KCNH1: variants seen among roughly 807,000 people sequenced by gnomAD.
KCNH1 encodes potassium voltage-gated channel subfamily H member 1.
KCNH1 carries 27 observed loss-of-function variants against 69.2 expected under a neutral mutation model. The observed-to-expected ratio is 0.39, with a 90% CI of 0.29 to 0.54. The LOEUF is 0.54. Among genes scored for constraint, KCNH1 ranks in the 20% least tolerant of loss-of-function variants. The pLI, the probability that KCNH1 is intolerant of heterozygous loss-of-function variation, is 0.68. For synonymous variants in KCNH1, 456 were observed against 487.7 expected (o/e 0.93, Z 0.86); for missense variants, 798 against 1,261.6 (o/e 0.63, Z 5.57).
intron 5 of KCNH1, among the ~76,000 whole-genome samples, chr1:211,021,394 C>T (rs540828455): frequency 1.3e-5 from 2 of 152,188 alleles, no homozygotes; most frequent in Admixed American, 1.3e-4. Context: ...GACAGCCTTC[C>T]CTTTAAGATC....
At chr1:210,703,835 A>T (rs1681839690) in intron 10 of KCNH1, among the ~76,000 whole-genome samples, 1 of 152,162 alleles carries the variant, frequency 6.6e-6, no homozygotes, top group Admixed American at 6.5e-5. Flanking sequence ...GCTTGTGCTT[A>T]GTTTCTAATT....
intron 7 of KCNH1, among the ~76,000 whole-genome samples, chr1:210,898,089 T>G (rs2102531515): frequency 6.6e-6 from 1 of 152,350 alleles, no homozygotes; most frequent in South Asian, 2.1e-4. Flanking sequence ...TGGATTGCAT[T>G]ATATTGAAAA....
chr1:210,889,969 C>T (rs1006514381), intron 7 of KCNH1, among the ~76,000 whole-genome samples: 8 of 152,056 alleles, frequency 5.3e-5, no homozygotes, highest in African/African-American at 1.9e-4. Flanking sequence ...CCATACTGCC[C>T]AAAGTAATTC....
chr1:211,058,091 T>G (rs1295366591), intron 5 of KCNH1, among the ~76,000 whole-genome samples: 1 of 152,046 alleles, frequency 6.6e-6, no homozygotes, highest in South Asian at 2.1e-4. Flanking sequence ...AAATTTCTTA[T>G]CCTATGATAG....
At chr1:210,716,205 G>A (rs547254945) in intron 10 of KCNH1, among the ~76,000 whole-genome samples, 1 of 151,884 alleles carries the variant, frequency 6.6e-6, no homozygotes, top group African/African-American at 2.4e-5. Flanking sequence ...AGGCTGAGGC[G>A]GGTGGATCAC....
chr1:210,860,381 C>T, intron 7 of KCNH1: 1 of 1,414,686 alleles, frequency 7.1e-7, no homozygotes, highest in Admixed American at 1.7e-5. Context: ...AAGCAGATTC[C>T]CTCAAGCTGT....
chr1:211,029,918 A>G (rs557055898), intron 5 of KCNH1, among the ~76,000 whole-genome samples: 1 of 152,330 alleles, frequency 6.6e-6, no homozygotes, highest in African/African-American at 2.4e-5. Context: ...ATTACATAAT[A>G]CCATTTATAA....
chr1:210,882,795 A>C (rs1300001045), intron 7 of KCNH1, among the ~76,000 whole-genome samples: 2 of 152,206 alleles, frequency 1.3e-5, no homozygotes, highest in African/African-American at 2.4e-5. Context: ...TTTGGAAAGA[A>C]GAAATCGATG....
At chr1:211,103,767 G>T (rs1200857004) in intron 2 of KCNH1, among the ~76,000 whole-genome samples, 165 bp from the exon 3 acceptor site, 1 of 152,202 alleles carries the variant, frequency 6.6e-6, no homozygotes, top group African/African-American at 2.4e-5. Context: ...ATTCAACTGT[G>T]AATAAGACTT....
chr1:211,081,141 T>A (rs570243819), intron 5 of KCNH1, among the ~76,000 whole-genome samples: 28 of 151,960 alleles, frequency 1.8e-4, no homozygotes, highest in African/African-American at 6.8e-4. Flanking sequence ...AACAACCCCA[T>A]CAAAAAGTGG....
At chr1:210,791,676 C>T (rs1684215789) in intron 9 of KCNH1, among the ~76,000 whole-genome samples, 1 of 152,190 alleles carries the variant, frequency 6.6e-6, no homozygotes, top group African/African-American at 2.4e-5. Context: ...ACCCACGTTA[C>T]TTATTGTCAC....
intron 4 of KCNH1, among the ~76,000 whole-genome samples, chr1:211,088,289 C>T (rs2102471313): frequency 6.6e-6 from 1 of 152,212 alleles, no homozygotes; most frequent in Admixed American, 6.5e-5. Flanking sequence ...TTAATGGTAA[C>T]TGAGGTGCTG....
At chr1:210,897,871 C>T (rs1686904644) in intron 7 of KCNH1, among the ~76,000 whole-genome samples, 1 of 152,134 alleles carries the variant, frequency 6.6e-6, no homozygotes, top group South Asian at 2.1e-4. Flanking sequence ...AGCTGATGCT[C>T]CAAGATGGGA....
At chr1:211,107,455 T>C (rs1691373900) in intron 1 of KCNH1, 78 bp from the exon 2 acceptor site, 3 of 1,399,566 alleles carry the variant, frequency 2.1e-6, no homozygotes, top group East Asian at 2.3e-5. Flanking sequence ...ACATAAATAA[T>C]GTCAAGCAAT....
At chr1:210,974,560 CCT>C (rs1688567712) in intron 6 of KCNH1, among the ~76,000 whole-genome samples, 1 of 122,020 alleles carries the variant, frequency 8.2e-6, no homozygotes, top group Non-Finnish European at 1.6e-5. Context: ...GTTTCTTCAT[CCT>C]TTTTTTTTTT....
chr1:210,840,669 C>G (rs1685387559), intron 7 of KCNH1, among the ~76,000 whole-genome samples: 1 of 152,170 alleles, frequency 6.6e-6, no homozygotes, highest in Non-Finnish European at 1.5e-5. Flanking sequence ...AGCTTGGAGT[C>G]TTCTCTAGAG....
At chr1:211,059,756 TGAGA>T (rs56144734) in intron 5 of KCNH1, among the ~76,000 whole-genome samples, 5 of 146,464 alleles carry the variant, frequency 3.4e-5, no homozygotes, top group African/African-American at 1.0e-4. Flanking sequence ...AAAAAAAGAG[TGAGA>T]GAGAGAGAGA....
At chr1:210,984,935 G>T (rs541770921) in intron 6 of KCNH1, among the ~76,000 whole-genome samples, 6 of 152,260 alleles carry the variant, frequency 3.9e-5, no homozygotes, top group Non-Finnish European at 8.8e-5. Context: ...TGGTTGGTAA[G>T]CTATTAATTA....
At chr1:210,689,103 C>T (rs1181069992) in intron 10 of KCNH1, among the ~76,000 whole-genome samples, 6 of 152,338 alleles carry the variant, frequency 3.9e-5, no homozygotes, top group Admixed American at 3.9e-4. Context: ...ACTTGGCATC[C>T]CTCTGAGGTC....
Sources: gnomAD v4.1 joint callset for allele counts (sites outside exome capture counted in the v4.1 genomes callset) on GRCh38, gnomAD v4.1.1 for gene constraint, MANE v1.5 for transcripts, NCBI Gene and HGNC (gene_info 2026-07-23, HGNC 2026-07-21) for gene names.